Variants in SDK2 observed in about 807,000 individuals in gnomAD.
SDK2 encodes protein sidekick-2.
SDK2 carries 105 observed loss-of-function variants against 253.9 expected under a neutral mutation model. The ratio of observed to expected loss-of-function variants is 0.41; its 90% CI spans 0.35 to 0.49. The LOEUF (loss-of-function observed/expected upper bound fraction) is 0.49, where lower values mean the gene tolerates loss of function less well. SDK2 is among the 20% of genes least tolerant of loss of function. The pLI, the probability that SDK2 is intolerant of heterozygous loss-of-function variation, is 0.06. For synonymous variants in SDK2, 1,249 were observed against 1,234.9 expected (o/e 1.01, Z -0.24); for missense variants, 2,608 against 3,003.0 (o/e 0.87, Z 3.07).
Position 73,553,632 on chromosome 17 carries a change from C to T in SDK2, c.65-46035G>A, listed in dbSNP as rs368539475. Among the ~76,000 whole-genome samples the T allele has an allele frequency of 1.1e-3, 161 of 152,266 alleles. 4 individuals are homozygous for T. The South Asian group carries it at 0.015, about 14-fold the overall frequency. On this transcript the variant is annotated intron_variant, in intron 1 of 44. Transcript: ENST00000392650. The stretch of plus-strand genomic sequence containing the variant: ...CCCCTGAGCCACTACCTGGCCACAG[C>T]CTCCATCCCACCTGCAATCTCCTTC...
chr17:73,422,297 C>G lies in SDK2; in HGVS notation c.2035G>C (p.Asp679His). The change falls in exon 15 of 45, where the codon GAC (aspartate) becomes CAC (histidine). Residue 679 changes from aspartate (D) to histidine (H), a missense_variant. This residue lies in a region of SDK2 where 1,505 missense variants were observed against 1,859.1 expected (regional missense o/e 0.81). Coordinates refer to ENST00000392650, the MANE Select transcript of SDK2 (RefSeq NM_001144952.2). ...NDVGKGQFSK[D>H]TERVSLPEEP... Reference sequence around the variant, plus strand: ...CGCCAGTGCCCTCACCTCTCGGTGTCTTTGCTGAACTGTCCTTTCCCCACG... The same window carrying G: ...CGCCAGTGCCCTCACCTCTCGGTGTGTTTGCTGAACTGTCCTTTCCCCACG... 1 of 1,613,868 alleles carries G rather than the reference C, an allele frequency of 6.2e-7. No individual in the cohort carries two copies. Among genetic ancestry groups the G allele is most frequent in the Non-Finnish European group, 8.5e-7 (1 of 1,179,874 alleles).
chr17:73,400,410 C>T (rs2063012383), intron 21 of SDK2, among the ~76,000 whole-genome samples: 1 of 152,180 alleles, frequency 6.6e-6, no homozygotes, highest in Non-Finnish European at 1.5e-5. Flanking sequence ...GATACCATTG[C>T]CTGGTGTGGA....
intron 5 of SDK2, among the ~76,000 whole-genome samples, chr17:73,445,403 G>A (rs943961243): frequency 1.3e-5 from 2 of 152,120 alleles, no homozygotes; most frequent in Non-Finnish European, 2.9e-5. Flanking sequence ...CCTGATCCCC[G>A]GTATCCACCC....
At chr17:73,512,652 CCAAA>C (rs2063990612) in intron 1 of SDK2, among the ~76,000 whole-genome samples, 1 of 151,794 alleles carries the variant, frequency 6.6e-6, no homozygotes, top group African/African-American at 2.4e-5. Flanking sequence ...GAAAGAATAG[CCAAA>C]CAAATTCTGA....
At chr17:73,548,866 G>A (rs757361931) in intron 1 of SDK2, among the ~76,000 whole-genome samples, 2 of 152,192 alleles carry the variant, frequency 1.3e-5, no homozygotes, top group East Asian at 3.9e-4. Context: ...CTTCCCTGGG[G>A]CCCAGCCCAG....
Position 73,412,036 on chromosome 17 carries a change from GTA to G in SDK2, c.2484+2606_2484+2607del, listed in dbSNP as rs1306513151. Among the ~76,000 whole-genome samples the G allele has an allele frequency of 5.3e-3, 16 of 3,028 alleles. 1 individual carries two copies. Among genetic ancestry groups the G allele is most frequent in the African/African-American group, 8.3e-3 (14 of 1,696 alleles). The allele number at this position is 3,028 out of a possible 152,430, so 2.0% of individuals were successfully genotyped here. A position where few individuals can be genotyped will look rare whatever the true frequency, so the allele number is the denominator to read the frequency against. ...TAGATATACGTATATGTATATATAC[GTA>G]TATATATGTATATACGTATATGTAT... On this transcript the variant is annotated intron_variant, in intron 18 of 44. Coordinates refer to ENST00000392650, the MANE Select transcript of SDK2 (RefSeq NM_001144952.2).
chr17:73,363,919 C>T (rs1361202029), intron 38 of SDK2, among the ~76,000 whole-genome samples: 1 of 151,966 alleles, frequency 6.6e-6, no homozygotes, highest in African/African-American at 2.4e-5. Flanking sequence ...ACACACAGCT[C>T]CCCTTTGCAG....
rs371659065 is a variant in SDK2, at chr17:73,431,459, C to T, written c.1480+43G>A. 51 of 1,572,842 alleles carry T rather than the reference C, an allele frequency of 3.2e-5. No homozygotes were observed. Among genetic ancestry groups the T allele is most frequent in the South Asian group, 1.6e-4 (14 of 86,018 alleles). On this transcript the variant is annotated intron_variant, in intron 11 of 44. Transcript: ENST00000392650. The surrounding 1 kb of genome is among the most constrained non-coding windows in gnomAD (Gnocchi z 5.6). ...CTCAGCACCTACAGGGATGTACACA[C>T]GCACACACAAATGTATAAAGCCCTG...
intron 1 of SDK2, among the ~76,000 whole-genome samples, chr17:73,592,325 C>T (rs2045694501): frequency 6.6e-6 from 1 of 152,234 alleles, no homozygotes; most frequent in African/African-American, 2.4e-5. Context: ...CACCTGCCAG[C>T]AGGGTTACAC....
chr17:73,463,008 G>A (rs7213360), intron 3 of SDK2, among the ~76,000 whole-genome samples: 2 of 152,052 alleles, frequency 1.3e-5, no homozygotes, highest in Admixed American at 6.5e-5. Flanking sequence ...GCTAAGAGGC[G>A]GTCTGTTCAG....
chr17:73,410,506 C>T (rs1006509070), intron 18 of SDK2, among the ~76,000 whole-genome samples: 12 of 151,974 alleles, frequency 7.9e-5, no homozygotes, highest in Admixed American at 2.6e-4. Flanking sequence ...TCAGTAGAGA[C>T]AAGGTTTCAC....
intron 36 of SDK2, among the ~76,000 whole-genome samples, chr17:73,378,275 T>A (rs1017510577): frequency 2.6e-5 from 4 of 151,674 alleles, no homozygotes. Context: ...ATTTCTGTAT[T>A]TTTTTTTGTA....
At chr17:73,400,271 G>C (rs940226331) in intron 21 of SDK2, among the ~76,000 whole-genome samples, 2 of 152,146 alleles carry the variant, frequency 1.3e-5, no homozygotes, top group Non-Finnish European at 1.5e-5. Flanking sequence ...AGTGGACCTC[G>C]GCTTGCTCTC....
chr17:73,371,247 T>C (rs1479874726), intron 36 of SDK2, among the ~76,000 whole-genome samples: 2 of 150,210 alleles, frequency 1.3e-5, no homozygotes, highest in Non-Finnish European at 2.9e-5. Context: ...TTGCCATTAT[T>C]AGCACACAGG....
At chr17:73,523,184 C>T (rs567323375) in intron 1 of SDK2, among the ~76,000 whole-genome samples, 1 of 152,130 alleles carries the variant, frequency 6.6e-6, no homozygotes, top group East Asian at 1.9e-4. Context: ...ATGAAGGTTT[C>T]ACAGTCACCT....
rs778890310 is a variant in SDK2, at chr17:73,393,754, C to T, written c.3709-5G>A. On this transcript the variant is annotated splice_region_variant and splice_polypyrimidine_tract_variant and intron_variant, in intron 26 of 44. Transcript: ENST00000392650. ...GTCCTTCTCCTTATACATCACCTGT[C>T]AGGGCCCAGCACAGGGTGAGGGCCT... 28 of 1,559,374 alleles carry T rather than the reference C, an allele frequency of 1.8e-5. No individual in the cohort carries two copies. In the East Asian group the frequency reaches 5.3e-4, roughly 29 times the overall value.
At chr17:73,602,167 C>T (rs1379089938) in intron 1 of SDK2, among the ~76,000 whole-genome samples, 2 of 152,206 alleles carry the variant, frequency 1.3e-5, no homozygotes, top group African/African-American at 4.8e-5. Flanking sequence ...TGGAGTGCTT[C>T]ACTCCAAGGT....
intron 1 of SDK2, among the ~76,000 whole-genome samples, chr17:73,573,542 G>A (rs1249725251): frequency 1.3e-5 from 2 of 152,034 alleles, no homozygotes; most frequent in Non-Finnish European, 2.9e-5. Context: ...CCATCAGCTC[G>A]GCACATCCTG....
chr17:73,370,468 C>T (rs1297995780), intron 36 of SDK2, among the ~76,000 whole-genome samples: 1 of 151,996 alleles, frequency 6.6e-6, no homozygotes, highest in Non-Finnish European at 1.5e-5. Context: ...GTCTTGAACT[C>T]CTGGGCTCAA....
Sources: gnomAD v4.1 joint callset for allele counts (sites outside exome capture counted in the v4.1 genomes callset) on GRCh38, gnomAD v4.1.1 for gene constraint, gnomAD v4.1.1 regional missense constraint, Gnocchi (gnomAD v3.1) non-coding constraint, MANE v1.5 for transcripts, NCBI Gene and HGNC (gene_info 2026-07-23, HGNC 2026-07-21) for gene names.